The following WHRN variants were observed in gnomAD, a reference collection of about 807,000 sequenced individuals.
The protein encoded by WHRN is whirlin.
Under a neutral mutation model 68.3 loss-of-function variants are expected in WHRN, and 41 were observed. The ratio of observed to expected loss-of-function variants is 0.60; its 90% CI spans 0.47 to 0.78. The LOEUF is 0.78. Ranked by LOEUF, WHRN falls within the 30% of genes least tolerant of loss-of-function variation. The pLI is 0.00. For synonymous variants in WHRN, 560 were observed against 561.3 expected (o/e 1.00, Z 0.03); for missense variants, 1,243 against 1,244.7 (o/e 1.00, Z 0.02).
chr9:114,492,134 G>A (rs908977397), intron 1 of WHRN, among the ~76,000 whole-genome samples: 2 of 152,094 alleles, frequency 1.3e-5, no homozygotes, highest in East Asian at 3.9e-4. Context: ...TGTCGGCATG[G>A]CTGGAGAAAA....
chr9:114,486,931 T>TAGA (rs748149434), intron 1 of WHRN, among the ~76,000 whole-genome samples: 963 of 48,574 alleles, frequency 0.02, 26 homozygotes, highest in South Asian at 0.17. Context: ...GTGTAGAGTG[T>TAGA]GTGTGTGTGT....
intron 3 of WHRN, among the ~76,000 whole-genome samples, chr9:114,432,252 C>T (rs184282018): frequency 6.6e-6 from 1 of 152,238 alleles, no homozygotes; most frequent in African/African-American, 2.4e-5. Flanking sequence ...GGCAGGATAC[C>T]GATTTCCCTG....
chr9:114,475,541 G>A (rs574067764), intron 2 of WHRN, among the ~76,000 whole-genome samples: 42 of 152,272 alleles, frequency 2.8e-4, no homozygotes, highest in African/African-American at 1.0e-3. Context: ...ATGGCATAAG[G>A]ATTTTCAGGG....
chr9:114,478,436 G>C (rs1841832244), intron 2 of WHRN, 117 bp downstream of exon 2: 2 of 1,142,140 alleles, frequency 1.8e-6, no homozygotes, highest in East Asian at 4.8e-5. Flanking sequence ...CTTGAGGGAA[G>C]ACAGAGCCTG....
intron 3 of WHRN, among the ~76,000 whole-genome samples, chr9:114,462,579 G>C (rs76322887): frequency 1.3e-5 from 2 of 152,174 alleles, no homozygotes; most frequent in Non-Finnish European, 2.9e-5. Context: ...GAAAGAATTT[G>C]ATCTTGGGCA....
chr9:114,502,705 T>G (rs1160024978), intron 1 of WHRN, among the ~76,000 whole-genome samples: 1 of 152,196 alleles, frequency 6.6e-6, no homozygotes, highest in Non-Finnish European at 1.5e-5. Flanking sequence ...CTTATCACCT[T>G]GTGACCGTTA....
intron 7 of WHRN, 83 bp from the exon 8 acceptor site, chr9:114,408,101 G>T (rs1835171826): frequency 9.0e-7 from 1 of 1,113,144 alleles, no homozygotes; most frequent in East Asian, 2.6e-5. Context: ...CCAAAATTGA[G>T]GAAGTCTTAG....
chr9:114,425,586 GACACACAC>G (rs148103230), intron 4 of WHRN: 733 of 154,198 alleles, frequency 4.8e-3, no homozygotes, highest in African/African-American at 0.011. Context: ...GGAAGGGGGA[GACACACAC>G]ACACACACAC....
Position 114,504,436 on chromosome 9 carries a change from G to T in WHRN, c.366C>A (p.Tyr122Ter). ...EGLYLPATTPYRQPAWGGPDS... is the reference protein window; with the variant it reads ...EGLYLPATTP Reference sequence around the variant, plus strand: ...CGGGGCCGCCCCAGGCGGGCTGCCTGTAGGGGGTGGTGGCGGGCAGGTAGA... The same window carrying T: ...CGGGGCCGCCCCAGGCGGGCTGCCTTTAGGGGGTGGTGGCGGGCAGGTAGA... Residue 122 changes from tyrosine to a stop codon, truncating the protein, a stop_gained, in exon 1 of 12, where the codon TAC becomes TAA. Transcript: ENST00000362057. LOFTEE classifies it high-confidence loss of function. 1 of 1,607,094 alleles carries T rather than the reference G, an allele frequency of 6.2e-7. No homozygotes were observed.
chr9:114,416,960 A>G (rs1197852796), intron 7 of WHRN, among the ~76,000 whole-genome samples: 1 of 152,230 alleles, frequency 6.6e-6, no homozygotes, highest in Non-Finnish European at 1.5e-5. Flanking sequence ...GGATCCCAGA[A>G]TCTGTGCAAT....
At chr9:114,467,179 G>A (rs1017181973) in intron 2 of WHRN, among the ~76,000 whole-genome samples, 2 of 151,564 alleles carry the variant, frequency 1.3e-5, no homozygotes, top group African/African-American at 4.9e-5. Context: ...TTCTCCTGAC[G>A]TCTGCTGTCT....
intron 2 of WHRN, among the ~76,000 whole-genome samples, chr9:114,469,164 T>C (rs1240119441): frequency 6.6e-6 from 1 of 152,218 alleles, no homozygotes; most frequent in Non-Finnish European, 1.5e-5. Flanking sequence ...TGGCTGTCGT[T>C]ATCCTCACAG....
chr9:114,457,731 C>T (rs4979399), intron 3 of WHRN, among the ~76,000 whole-genome samples: 39,538 of 151,884 alleles, frequency 0.26, 5,352 homozygotes, highest in Admixed American at 0.31. Context: ...GCCTGGCCAA[C>T]GTGGTGAAAC....
chr9:114,405,793 G>A (rs975226647), intron 9 of WHRN, among the ~76,000 whole-genome samples: 2 of 152,242 alleles, frequency 1.3e-5, no homozygotes, highest in African/African-American at 2.4e-5. Context: ...CTCACTCACA[G>A]GCGGGAGCTC....
At chr9:114,409,427 A>G (rs935031225) in intron 7 of WHRN, among the ~76,000 whole-genome samples, 3 of 152,234 alleles carry the variant, frequency 2.0e-5, no homozygotes, top group Non-Finnish European at 4.4e-5. Flanking sequence ...GCTAGGTCTT[A>G]TGAGTGAGCA....
rs763824174 is a variant in WHRN, at chr9:114,406,876, G to T, written c.1715C>A (p.Thr572Asn). The change falls in exon 9 of 12, where the codon ACC becomes AAC. Residue 572 changes from threonine (T) to asparagine (N), a missense_variant. Physicochemically the swap from Thr to Asn is moderately conservative, Grantham distance 65 (BLOSUM62 0). Transcript: ENST00000362057. ...PDVSVDDVRSTSQGLSSFKPL... is the reference protein window; with the variant it reads ...PDVSVDDVRSNSQGLSSFKPL... ...CTTGAAGCTTGACAGCCCCTGGGAG[G>T]TGGATCTGACATCATCCTGCCAAAA... 1.9e-6 allele frequency: 3 copies of T among 1,580,200 alleles called. No homozygotes were observed. The South Asian group carries it at 3.4e-5, about 18-fold the overall frequency.
At chr9:114,456,788 C>T (rs1051862102) in intron 3 of WHRN, among the ~76,000 whole-genome samples, 1 of 149,826 alleles carries the variant, frequency 6.7e-6, no homozygotes, top group Non-Finnish European at 1.5e-5. Context: ...GAGATCGTGT[C>T]ACTGCACTCC....
chr9:114,494,609 T>TG (rs1843290451), intron 1 of WHRN, among the ~76,000 whole-genome samples: 1 of 152,192 alleles, frequency 6.6e-6, no homozygotes, highest in Non-Finnish European at 1.5e-5. Flanking sequence ...TCTCTGCTGT[T>TG]GGGGCAAAGA....
intron 3 of WHRN, among the ~76,000 whole-genome samples, chr9:114,456,091 A>G (rs190575973): frequency 2.0e-5 from 3 of 151,572 alleles, no homozygotes; most frequent in Non-Finnish European, 2.9e-5. Flanking sequence ...TTGACCCATG[A>G]TAAGTCAGAG....
Sources: gnomAD v4.1 joint callset for allele counts (sites outside exome capture counted in the v4.1 genomes callset) on GRCh38, gnomAD v4.1.1 for gene constraint, MANE v1.5 for transcripts, NCBI Gene and HGNC (gene_info 2026-07-23, HGNC 2026-07-21) for gene names.